PLXNC1: variants seen among roughly 807,000 people sequenced by gnomAD.
The protein encoded by PLXNC1 is plexin C1.
Under a neutral mutation model 178.2 loss-of-function variants are expected in PLXNC1, and 75 were observed. The ratio of observed to expected loss-of-function variants is 0.42; its 90% CI spans 0.35 to 0.51. The LOEUF is 0.51. Among genes scored for constraint, PLXNC1 ranks in the 20% least tolerant of loss-of-function variants. The probability of loss-of-function intolerance (pLI) is 0.02; values close to 1 mark genes in which losing one functional copy is unlikely to be tolerated. For missense variants in PLXNC1, 1,503 were observed against 1,984.4 expected (o/e 0.76, Z 4.61); for synonymous variants, 790 against 779.9 (o/e 1.01, Z -0.22).
At position 94,298,946 on chromosome 12, in the gene PLXNC1, T is replaced by C. The variant is rs569355709; in HGVS notation, c.4238+151T>C. On this transcript the variant is annotated intron_variant, in intron 27 of 30. Transcript: ENST00000258526. ...CTATCATGTCAAAGTAGTTTCTTAT[T>C]CTGTTACTATTTTTAAACAATAAAG... The C allele has an allele frequency of 2.1e-4, 147 of 692,304 alleles. No individual in the cohort carries two copies. The African/African-American group carries it at 2.6e-3, about 12-fold the overall frequency. 42.9% of individuals were successfully genotyped at this position (692,304 alleles called of 1,614,324 possible).
chr12:94,152,898 T>C (rs1319792695), intron 1 of PLXNC1, among the ~76,000 whole-genome samples: 10 of 152,348 alleles, frequency 6.6e-5, no homozygotes, highest in Non-Finnish European at 2.9e-5. Context: ...GTAATGAGTG[T>C]GTACTCAGCT....
intron 12 of PLXNC1, among the ~76,000 whole-genome samples, chr12:94,245,241 G>A (rs934570772): frequency 1.2e-4 from 18 of 152,232 alleles, no homozygotes; most frequent in Non-Finnish European, 2.6e-4. Flanking sequence ...TCACGGACTT[G>A]CTCTCCCTCC....
intron 17 of PLXNC1, chr12:94,256,096 C>A (rs1291050746): frequency 1.3e-5 from 2 of 152,130 alleles, no homozygotes; most frequent in African/African-American, 4.8e-5. Context: ...TTCTTTTTTG[C>A]GGTATGATGA....
intron 21 of PLXNC1, among the ~76,000 whole-genome samples, chr12:94,273,026 C>A (rs1037434787): frequency 4.6e-5 from 7 of 152,074 alleles, no homozygotes; most frequent in African/African-American, 1.7e-4. Context: ...AGTTATGACT[C>A]CCACCGGCTC....
chr12:94,281,005 G>A (rs186134426), intron 22 of PLXNC1, among the ~76,000 whole-genome samples: 5 of 152,314 alleles, frequency 3.3e-5, no homozygotes, highest in South Asian at 2.1e-4. Context: ...CAGGCTGGAC[G>A]TGGTGGCTCA....
intron 21 of PLXNC1, among the ~76,000 whole-genome samples, chr12:94,268,801 G>A (rs1227362187): frequency 6.6e-6 from 1 of 151,876 alleles, no homozygotes; most frequent in Non-Finnish European, 1.5e-5. Context: ...CGCCGTGTTG[G>A]CTAGCCTGGT....
chr12:94,195,308 A>G (rs958504038), intron 4 of PLXNC1, among the ~76,000 whole-genome samples: 1 of 152,128 alleles, frequency 6.6e-6, no homozygotes, highest in Admixed American at 6.5e-5. Flanking sequence ...TTTTGTAAAG[A>G]GAGAGTTTAT....
intron 4 of PLXNC1, among the ~76,000 whole-genome samples, chr12:94,193,771 T>A (rs1458539029): frequency 2.0e-5 from 3 of 152,132 alleles, no homozygotes; most frequent in Non-Finnish European, 4.4e-5. Context: ...AGTGCAGGCA[T>A]CTGGCTGGGG....
At chr12:94,259,551 C>T in intron 18 of PLXNC1, 59 bp from the exon 19 acceptor site, 1 of 1,337,332 alleles carries the variant, frequency 7.5e-7, no homozygotes, top group Non-Finnish European at 1.0e-6. Flanking sequence ...GGTCTACTTT[C>T]TAACTTTAAA....
intron 14 of PLXNC1, among the ~76,000 whole-genome samples, chr12:94,249,931 G>A (rs866771756): frequency 3.0e-4 from 35 of 116,552 alleles, no homozygotes; most frequent in African/African-American, 1.1e-3. Context: ...GCACCAGTGT[G>A]GGGGGGTGGG....
At chr12:94,241,883 G>A (rs1592801102) in intron 11 of PLXNC1, among the ~76,000 whole-genome samples, 1 of 151,362 alleles carries the variant, frequency 6.6e-6, no homozygotes, top group East Asian at 1.9e-4. Flanking sequence ...ATCTCTTTAG[G>A]ACTAAAATCC....
intron 21 of PLXNC1, among the ~76,000 whole-genome samples, chr12:94,265,585 C>G (rs1361470664): frequency 1.3e-5 from 2 of 152,146 alleles, no homozygotes; most frequent in African/African-American, 4.8e-5. Flanking sequence ...TCTGGGAAGA[C>G]AATGTGTGAA....
At chr12:94,271,790 G>T (rs1446941610) in intron 21 of PLXNC1, among the ~76,000 whole-genome samples, 2 of 152,142 alleles carry the variant, frequency 1.3e-5, no homozygotes, top group Non-Finnish European at 2.9e-5. Flanking sequence ...CTTGTCTCCT[G>T]TAAGCTTCAC....
At chr12:94,151,595 G>GC (rs1960962605) in intron 1 of PLXNC1, among the ~76,000 whole-genome samples, 1 of 152,094 alleles carries the variant, frequency 6.6e-6, no homozygotes, top group Non-Finnish European at 1.5e-5. Flanking sequence ...CTTCTCTGTT[G>GC]AAAGACTTGA....
intron 15 of PLXNC1, 76 bp downstream of exon 15, chr12:94,251,604 C>T: frequency 1.1e-6 from 1 of 917,256 alleles, no homozygotes; most frequent in Non-Finnish European, 1.8e-6. Flanking sequence ...TTTCAGCTTT[C>T]AGGGGCTGTT....
At chr12:94,265,811 C>T (rs1470021038) in intron 21 of PLXNC1, among the ~76,000 whole-genome samples, 1 of 151,990 alleles carries the variant, frequency 6.6e-6, no homozygotes, top group Non-Finnish European at 1.5e-5. Context: ...TGGAGGGTTT[C>T]ACCCGCTTGA....
chr12:94,174,235 A>G (rs1961962832), intron 2 of PLXNC1, among the ~76,000 whole-genome samples: 1 of 151,100 alleles, frequency 6.6e-6, no homozygotes, highest in Admixed American at 6.6e-5. Context: ...CCCAGGCTGG[A>G]GTGCAGTGGT....
chr12:94,272,985 C>T (rs75940508), intron 21 of PLXNC1, among the ~76,000 whole-genome samples: 7,205 of 152,244 alleles, frequency 0.047, 285 homozygotes, highest in African/African-American at 0.1. Flanking sequence ...CTGGCCTCTT[C>T]GCTTCGCAGC....
intron 21 of PLXNC1, among the ~76,000 whole-genome samples, chr12:94,270,997 A>C (rs1053715507): frequency 6.6e-6 from 1 of 152,128 alleles, no homozygotes; most frequent in African/African-American, 2.4e-5. Context: ...AGAAGCTTAG[A>C]TCAGAAGTTT....
Sources: allele counts gnomAD v4.1 joint callset (sites outside exome capture counted in the v4.1 genomes callset), GRCh38; gene constraint gnomAD v4.1.1; transcripts MANE v1.5; gene names NCBI Gene and HGNC (gene_info 2026-07-23, HGNC 2026-07-21).